LARP1B: variants seen among roughly 807,000 people sequenced by gnomAD.
LARP1B encodes the protein La ribonucleoprotein 1B, also known as la-related protein 1B.
In LARP1B, 76 loss-of-function variants were observed where a neutral mutation model predicts 114.2. The ratio of observed to expected loss-of-function variants is 0.67; its 90% CI spans 0.55 to 0.81. The LOEUF (loss-of-function observed/expected upper bound fraction) is 0.81, where lower values mean the gene tolerates loss of function less well. LARP1B is among the 30% of genes least tolerant of loss of function. The probability of loss-of-function intolerance (pLI) is 0.00; values close to 1 mark genes in which losing one functional copy is unlikely to be tolerated. For synonymous variants in LARP1B, 345 were observed against 348.0 expected (o/e 0.99, Z 0.10); for missense variants, 1,014 against 1,075.8 (o/e 0.94, Z 0.80).
chr4:128,061,560 CGGCGGCCACGGCCGCCG>C (rs1211076271), intron 1 of LARP1B, 159 bp downstream of exon 1: 8 of 508,550 alleles, frequency 1.6e-5, no homozygotes, highest in Non-Finnish European at 2.0e-5. Context: ...GCGGCGGCAG[CGGCGGCCACGGCCGCCG>C]GGCTCTCGGG....
chr4:128,195,649 A>G (rs1423356443), intron 15 of LARP1B, among the ~76,000 whole-genome samples: 2 of 152,234 alleles, frequency 1.3e-5, no homozygotes, highest in Admixed American at 1.3e-4. Flanking sequence ...CATGAATGAA[A>G]CTACTGATTC....
chr4:128,082,585 G>A (rs1770921799), intron 5 of LARP1B, among the ~76,000 whole-genome samples: 1 of 151,858 alleles, frequency 6.6e-6, no homozygotes, highest in African/African-American at 2.4e-5. Flanking sequence ...GATCCATTCT[G>A]GGATCACCCA....
chr4:128,104,502 T>G (rs895960961), intron 8 of LARP1B, among the ~76,000 whole-genome samples: 4 of 152,108 alleles, frequency 2.6e-5, no homozygotes, highest in Non-Finnish European at 4.4e-5. Flanking sequence ...GGAGTTGTAC[T>G]GACCTGATCT....
chr4:128,098,767 ATTTTTTTTTT>A (rs869184167), intron 8 of LARP1B, among the ~76,000 whole-genome samples: 2,314 of 35,070 alleles, frequency 0.066, 323 homozygotes, highest in Non-Finnish European at 0.08. Context: ...ATATATATAT[ATTTTTTTTTT>A]TTTTTTTTTT....
At chr4:128,206,915 C>A (rs1315035919) in intron 18 of LARP1B, 7 of 800,690 alleles carry the variant, frequency 8.7e-6, no homozygotes, top group African/African-American at 1.9e-5. Flanking sequence ...GGTGCAAATT[C>A]CCTTTCCACT....
intron 12 of LARP1B, among the ~76,000 whole-genome samples, chr4:128,173,901 C>T (rs944511799): frequency 2.0e-5 from 3 of 152,190 alleles, no homozygotes; most frequent in Non-Finnish European, 4.4e-5. Context: ...AAGAGTTCCT[C>T]ATGCACATTT....
chr4:128,207,373 T>G lies in LARP1B; in HGVS notation c.2537T>G (p.Phe846Cys). 1.3e-6 allele frequency: 2 copies of G among 1,512,008 alleles called. No homozygotes were observed. Among genetic ancestry groups the G allele is most frequent in the Non-Finnish European group, 1.8e-6 (2 of 1,129,398 alleles). The allele number at this position is 1,512,008 out of a possible 1,614,324, so 93.7% of individuals were successfully genotyped here. A position where few individuals can be genotyped will look rare whatever the true frequency, so the allele number is the denominator to read the frequency against. ...YLCSFKRLED[F>C]RVDPPISDEF... ...TGTAGTTTTAAGAGGTTAGAAGACT[T>G]CCGTGTTGATGTAAGTTTTAAGTCA... The change falls in exon 19 of 20, where the codon TTC becomes TGC. Residue 846 changes from phenylalanine to cysteine, a missense_variant. Coordinates refer to ENST00000326639, the MANE Select transcript of LARP1B (RefSeq NM_018078.4).
At chr4:128,111,731 C>T (rs903646647) in intron 9 of LARP1B, among the ~76,000 whole-genome samples, 6 of 151,932 alleles carry the variant, frequency 3.9e-5, no homozygotes, top group Non-Finnish European at 7.4e-5. Context: ...TTGTTCTTGT[C>T]CCCCAGGCTG....
intron 7 of LARP1B, among the ~76,000 whole-genome samples, chr4:128,095,543 T>C (rs1397956828): frequency 6.6e-6 from 1 of 150,858 alleles, no homozygotes; most frequent in Non-Finnish European, 1.5e-5. Context: ...CTGAGTGAGA[T>C]GTCAGTAGTA....
chr4:128,203,202 A>C (rs1228502174), intron 17 of LARP1B, among the ~76,000 whole-genome samples: 2 of 152,144 alleles, frequency 1.3e-5, no homozygotes, highest in African/African-American at 4.8e-5. Context: ...AACAAAAAAA[A>C]AGGTTAAATT....
At chr4:128,084,451 C>T (rs1053253795) in intron 5 of LARP1B, among the ~76,000 whole-genome samples, 3 of 152,338 alleles carry the variant, frequency 2.0e-5, no homozygotes, top group Admixed American at 1.3e-4. Context: ...AGCGAAACCC[C>T]GTCTCCACCA....
At chr4:128,209,723 A>T (rs62336171) in intron 19 of LARP1B, 133 bp from the exon 20 acceptor site, 11 of 489,428 alleles carry the variant, frequency 2.2e-5, no homozygotes, top group South Asian at 7.7e-5. Context: ...ACTCCATCAA[A>T]AAAAAAAAAA....
intron 18 of LARP1B, chr4:128,206,954 T>A (rs1228851445): frequency 2.1e-6 from 1 of 475,078 alleles, no homozygotes; most frequent in African/African-American, 2.1e-5. Context: ...TGTGGGTAAA[T>A]TGCCTACCCT....
intron 15 of LARP1B, 65 bp from the exon 16 acceptor site, chr4:128,199,374 A>C: frequency 7.7e-7 from 1 of 1,301,518 alleles, no homozygotes; most frequent in Non-Finnish European, 1.0e-6. Context: ...AAATAGTACA[A>C]ATTGGTTCAT....
In LARP1B at chr4:128,108,718, A is replaced by G. The variant is rs756965574; in HGVS notation, c.988+1405A>G. The G allele has an allele frequency of 7.1e-6, 7 of 984,992 alleles. No homozygotes were observed. The African/African-American group carries it at 1.2e-4, about 17-fold the overall frequency. The allele number at this position is 984,992 out of a possible 1,614,324, so 61.0% of individuals were successfully genotyped here. A position where few individuals can be genotyped will look rare whatever the true frequency, so the allele number is the denominator to read the frequency against. ...TATATAAGTTAGATTTATTTATGAT[A>G]TCAACTTGGGTCCAAGATGATAGTT... is the stretch of plus-strand genomic sequence containing the variant. On this transcript the variant is annotated intron_variant, in intron 9 of 19. Transcript: ENST00000326639.
intron 7 of LARP1B, 113 bp downstream of exon 7, chr4:128,091,625 C>T: frequency 1.3e-6 from 1 of 757,330 alleles, no homozygotes; most frequent in Non-Finnish European, 2.0e-6. Context: ...GAGACAGAGT[C>T]TCACTCTGTT....
intron 5 of LARP1B, among the ~76,000 whole-genome samples, chr4:128,083,449 AC>A (rs1370615262): frequency 1.2e-4 from 15 of 127,170 alleles, no homozygotes; most frequent in Non-Finnish European, 1.8e-4. Flanking sequence ...CAGGGGGCTG[AC>A]CCCCCCCACC....
At chr4:128,159,826 C>A (rs1737602444) in intron 11 of LARP1B, among the ~76,000 whole-genome samples, 1 of 152,144 alleles carries the variant, frequency 6.6e-6, no homozygotes, top group African/African-American at 2.4e-5. Context: ...AAATAGAAAC[C>A]TACTGCTCAA....
intron 11 of LARP1B, among the ~76,000 whole-genome samples, chr4:128,124,847 G>A (rs1238970850): frequency 6.6e-6 from 1 of 152,166 alleles, no homozygotes; most frequent in African/African-American, 2.4e-5. Context: ...GTCAAAAGCT[G>A]GCTCTAAGAG....
Sources: allele counts gnomAD v4.1 joint callset (sites outside exome capture counted in the v4.1 genomes callset), GRCh38; gene constraint gnomAD v4.1.1; transcripts MANE v1.5; gene names NCBI Gene and HGNC (gene_info 2026-07-23, HGNC 2026-07-21).